FMN2: variants seen among roughly 807,000 people sequenced by gnomAD.
FMN2 encodes formin 2.
Under a neutral mutation model 142.3 loss-of-function variants are expected in FMN2, and 51 were observed. The observed-to-expected ratio is 0.36, with a 90% CI of 0.29 to 0.45. FMN2 has a LOEUF of 0.45. Ranked by LOEUF, FMN2 falls within the 20% of genes least tolerant of loss-of-function variation. The probability of loss-of-function intolerance (pLI) is 1.00; values close to 1 mark genes in which losing one functional copy is unlikely to be tolerated. For synonymous variants in FMN2, 882 were observed against 869.8 expected (o/e 1.01, Z -0.25); for missense variants, 1,936 against 2,122.8 (o/e 0.91, Z 1.73).
At chr1:240,354,144 A>G (rs1465106927) in intron 13 of FMN2, among the ~76,000 whole-genome samples, 2 of 152,066 alleles carry the variant, frequency 1.3e-5, no homozygotes, top group Non-Finnish European at 2.9e-5. Flanking sequence ...TCTCTTCTGG[A>G]TGGCTTTTTA....
chr1:240,175,076 C>T (rs568793839), intron 2 of FMN2, among the ~76,000 whole-genome samples: 11 of 152,150 alleles, frequency 7.2e-5, no homozygotes, highest in Non-Finnish European at 1.0e-4. Context: ...TAGAATCATA[C>T]GGTATTCGTC....
intron 3 of FMN2, among the ~76,000 whole-genome samples, chr1:240,181,936 T>G (rs1182489649): frequency 6.6e-6 from 1 of 152,230 alleles, no homozygotes; most frequent in Non-Finnish European, 1.5e-5. Flanking sequence ...GTCATCTGAA[T>G]GCTTTACGTA....
rs143882290 is a variant in FMN2 at position 240,354,621 on chromosome 1, A to T, written c.4766-1195A>T. Among the ~76,000 whole-genome samples, 401 of 152,274 alleles carry T rather than the reference A, an allele frequency of 2.6e-3. 3 individuals are homozygous for T. The highest frequency in any genetic ancestry group is 8.9e-3 in the African/African-American group (368 of 41,554). On this transcript the variant is annotated intron_variant, in intron 13 of 17. Transcript: ENST00000319653. Reference sequence around the variant, plus strand: ...CTGGATCTGCCTACGCTGATCTTAGATTTTACTAAGCCCAAAGTCATCCAC... The same window carrying T: ...CTGGATCTGCCTACGCTGATCTTAGTTTTTACTAAGCCCAAAGTCATCCAC...
At chr1:240,109,504 T>A (rs1661729212) in intron 1 of FMN2, among the ~76,000 whole-genome samples, 1 of 152,188 alleles carries the variant, frequency 6.6e-6, no homozygotes, top group Non-Finnish European at 1.5e-5. Context: ...AATGGGAGAC[T>A]CTCCCTGCTC....
intron 6 of FMN2, among the ~76,000 whole-genome samples, chr1:240,246,495 G>A (rs982355533): frequency 2.0e-5 from 3 of 152,184 alleles, no homozygotes; most frequent in Non-Finnish European, 4.4e-5. Flanking sequence ...TCTAGGGGAG[G>A]TAACTGAGGC....
At chr1:240,152,503 G>A (rs921251975) in intron 2 of FMN2, among the ~76,000 whole-genome samples, 6 of 151,984 alleles carry the variant, frequency 3.9e-5, no homozygotes, top group Non-Finnish European at 5.9e-5. Context: ...TTTTGTTTCC[G>A]TTTCCAAATT....
intron 6 of FMN2, among the ~76,000 whole-genome samples, chr1:240,246,933 T>C (rs896854181): frequency 2.6e-5 from 4 of 152,220 alleles, no homozygotes; most frequent in Non-Finnish European, 5.9e-5. Flanking sequence ...AAGAGTGTAC[T>C]CTCCTCTTCA....
intron 14 of FMN2, among the ~76,000 whole-genome samples, chr1:240,373,309 A>G (rs1672934942): frequency 6.6e-6 from 1 of 152,154 alleles, no homozygotes; most frequent in Non-Finnish European, 1.5e-5. Flanking sequence ...GTTGCTGAAT[A>G]TTGGGGTAGC....
In FMN2 at chr1:240,152,542, C is replaced by G. The variant is rs553901830; in HGVS notation, c.1783-25379C>G. 2.0e-5 allele frequency among the ~76,000 whole-genome samples: 3 copies of G among 152,228 alleles called. No homozygotes were observed. The East Asian group carries it at 5.8e-4, about 29-fold the overall frequency. On this transcript the variant is annotated intron_variant, in intron 2 of 17. Coordinates refer to ENST00000319653, the MANE Select transcript of FMN2 (RefSeq NM_020066.5). ...CCTAGCAGTAGCATCATGCGGTAGACTCATACATACCACGCTCTCTTCTTC... is the reference window on the plus strand; with the variant it reads ...CCTAGCAGTAGCATCATGCGGTAGAGTCATACATACCACGCTCTCTTCTTC...
intron 15 of FMN2, among the ~76,000 whole-genome samples, chr1:240,420,234 C>T (rs1473414304): frequency 6.6e-6 from 1 of 152,128 alleles, no homozygotes; most frequent in African/African-American, 2.4e-5. Flanking sequence ...ATGGATAATC[C>T]TTTGCTCAGT....
At chr1:240,325,818 T>C (rs946414687) in intron 8 of FMN2, among the ~76,000 whole-genome samples, 1 of 152,174 alleles carries the variant, frequency 6.6e-6, no homozygotes, top group Non-Finnish European at 1.5e-5. Flanking sequence ...TGCTGGCTAG[T>C]GTTTCTGAGC....
At chr1:240,287,025 A>G (rs1235829431) in intron 7 of FMN2, among the ~76,000 whole-genome samples, 1 of 152,204 alleles carries the variant, frequency 6.6e-6, no homozygotes. Context: ...AATGTTTTGT[A>G]GGACATTTAC....
At position 240,262,076 on chromosome 1, in the gene FMN2, CT is replaced by C. The variant is rs34756635; in HGVS notation, c.4153+4052del. ...GGTTGGTTCCCCTGCCAGTATAGCC[CT>C]TTTTTTTAATTATTATTATACTTTA... On this transcript the variant is annotated intron_variant, in intron 7 of 17. Coordinates refer to ENST00000319653, the MANE Select transcript of FMN2 (RefSeq NM_020066.5). 8.2e-3 allele frequency among the ~76,000 whole-genome samples: 1,239 copies of C among 151,732 alleles called. 20 individuals carry two copies. The highest frequency in any genetic ancestry group is 0.028 in the African/African-American group (1,153 of 41,348).
intron 8 of FMN2, among the ~76,000 whole-genome samples, chr1:240,304,560 G>T (rs1266043011): frequency 6.6e-6 from 1 of 152,134 alleles, no homozygotes; most frequent in African/African-American, 2.4e-5. Context: ...AGATTAAAAG[G>T]AATCATGGAA....
intron 15 of FMN2, among the ~76,000 whole-genome samples, chr1:240,435,315 C>T (rs9725390): frequency 0.11 from 16,091 of 151,148 alleles, 2,032 homozygotes; most frequent in African/African-American, 0.31. Context: ...TATAACAGAG[C>T]CAAGAAGAAA....
intron 4 of FMN2, among the ~76,000 whole-genome samples, chr1:240,203,969 G>A (rs1199467174): frequency 2.0e-5 from 3 of 152,026 alleles, no homozygotes; most frequent in Non-Finnish European, 4.4e-5. Context: ...TGTAGATGTT[G>A]GTGAAAAATA....
chr1:240,462,405 A>T (rs181818811), intron 16 of FMN2, among the ~76,000 whole-genome samples: 4 of 152,260 alleles, frequency 2.6e-5, no homozygotes, highest in African/African-American at 4.8e-5. Flanking sequence ...TTATTTACAG[A>T]TGGAATTATA....
At chr1:240,366,536 CTT>C (rs36063372) in intron 14 of FMN2, among the ~76,000 whole-genome samples, 6 of 143,564 alleles carry the variant, frequency 4.2e-5, no homozygotes, top group Admixed American at 6.9e-5. Context: ...CTATTCTATC[CTT>C]TTTTTTTTTT....
intron 15 of FMN2, among the ~76,000 whole-genome samples, chr1:240,408,865 C>A (rs1674300276): frequency 6.6e-6 from 1 of 151,694 alleles, no homozygotes; most frequent in African/African-American, 2.4e-5. Context: ...AAACAAAACA[C>A]CAGTGCCTTA....
Sources: allele counts gnomAD v4.1 joint callset (sites outside exome capture counted in the v4.1 genomes callset), GRCh38; gene constraint gnomAD v4.1.1; transcripts MANE v1.5; gene names NCBI Gene and HGNC (gene_info 2026-07-23, HGNC 2026-07-21).